PTPRD: variants seen among roughly 807,000 people sequenced by gnomAD.
PTPRD encodes protein tyrosine phosphatase receptor type D, also known as receptor-type tyrosine-protein phosphatase delta.
PTPRD carries 34 observed loss-of-function variants against 214.5 expected under a neutral mutation model. The observed-to-expected ratio is 0.16, with a 90% CI of 0.12 to 0.21. The LOEUF (loss-of-function observed/expected upper bound fraction) is 0.21, where lower values mean the gene tolerates loss of function less well. Ranked by LOEUF, PTPRD falls within the 10% of genes least tolerant of loss-of-function variation. The pLI is 1.00. For missense variants in PTPRD, 2,545 were observed against 2,398.7 expected, an observed-to-expected ratio of 1.06 and a Z score of -1.27; for synonymous variants, 1,128 against 845.7, an observed-to-expected ratio of 1.33 and a Z score of -5.79.
intron 7 of PTPRD, among the ~76,000 whole-genome samples, chr9:9,604,073 T>A (rs1592771882): frequency 6.6e-6 from 1 of 152,086 alleles, no homozygotes; most frequent in East Asian, 1.9e-4. Flanking sequence ...ATAATTTTGC[T>A]TTTATTACTA....
At chr9:9,687,567 T>A (rs2097187632) in intron 7 of PTPRD, among the ~76,000 whole-genome samples, 1 of 151,738 alleles carries the variant, frequency 6.6e-6, no homozygotes, top group Non-Finnish European at 1.5e-5. Flanking sequence ...AAAATAACTT[T>A]TTACATATGT....
At chr9:9,473,607 G>C (rs1472909190) in intron 8 of PTPRD, among the ~76,000 whole-genome samples, 1 of 152,120 alleles carries the variant, frequency 6.6e-6, no homozygotes, top group Admixed American at 6.5e-5. Context: ...GTGTGTAAGA[G>C]TTCCCTTTCC....
chr9:8,601,495 G>GT (rs1213199159), intron 14 of PTPRD, among the ~76,000 whole-genome samples: 2 of 152,204 alleles, frequency 1.3e-5, no homozygotes, highest in African/African-American at 4.8e-5. Context: ...TGGCCACAGG[G>GT]TTTTTTCTAT....
intron 9 of PTPRD, among the ~76,000 whole-genome samples, chr9:9,185,411 G>C (rs917908039): frequency 6.6e-5 from 10 of 152,102 alleles, no homozygotes; most frequent in African/African-American, 2.4e-4. Flanking sequence ...CCACCTGTTT[G>C]GGGCCACTTC....
chr9:8,333,940 C>T (rs1381203935), intron 43 of PTPRD, among the ~76,000 whole-genome samples: 1 of 151,658 alleles, frequency 6.6e-6, no homozygotes, highest in Non-Finnish European at 1.5e-5. Flanking sequence ...ACAAAGAAGG[C>T]CATTACATAA....
chr9:9,137,976 G>C (rs905955648), intron 10 of PTPRD, among the ~76,000 whole-genome samples: 2 of 152,064 alleles, frequency 1.3e-5, no homozygotes, highest in Non-Finnish European at 2.9e-5. Context: ...TTTTGTAGCA[G>C]AGAAAACAGG....
intron 19 of PTPRD, 122 bp from the exon 20 acceptor site, chr9:8,521,668 A>G: frequency 8.9e-7 from 1 of 1,128,466 alleles, no homozygotes. Context: ...TTGTCCAAAA[A>G]CAAAACATAA....
At chr9:10,142,991 T>G (rs1294371677) in intron 3 of PTPRD, among the ~76,000 whole-genome samples, 1 of 151,774 alleles carries the variant, frequency 6.6e-6, no homozygotes, top group East Asian at 1.9e-4. Context: ...TGGATGAAAT[T>G]GAAATCATCA....
chr9:9,305,816 C>T (rs778442801), intron 9 of PTPRD, among the ~76,000 whole-genome samples: 3 of 152,052 alleles, frequency 2.0e-5, no homozygotes, highest in Non-Finnish European at 4.4e-5. Flanking sequence ...GGCCATGTGC[C>T]AATCAGAGAT....
At chr9:8,527,321 T>G (rs775186665) in intron 16 of PTPRD, 24 bp downstream of exon 16, 4 of 1,603,682 alleles carry the variant, frequency 2.5e-6, no homozygotes, top group Non-Finnish European at 2.6e-6. Context: ...GGGGTTGAAG[T>G]GCGCTTCAGA....
intron 11 of PTPRD, among the ~76,000 whole-genome samples, chr9:8,777,959 A>G (rs2095549963): frequency 6.6e-6 from 1 of 152,198 alleles, no homozygotes; most frequent in African/African-American, 2.4e-5. Flanking sequence ...TTATTAACCA[A>G]TCCACAGAGC....
chr9:9,979,158 T>C (rs1241619056), intron 4 of PTPRD, among the ~76,000 whole-genome samples: 1 of 152,072 alleles, frequency 6.6e-6, no homozygotes, highest in Non-Finnish European at 1.5e-5. Flanking sequence ...AGAAGGAATA[T>C]GATATGGGAC....
intron 5 of PTPRD, among the ~76,000 whole-genome samples, chr9:9,840,761 C>CAAAAAAAAAAAAAAAA (rs59780411): frequency 4.9e-5 from 3 of 61,622 alleles, no homozygotes; most frequent in Admixed American, 2.9e-4. Flanking sequence ...GACTCCGTTT[C>CAAAAAAAAAAAAAAAA]AAAAAAAAAA....
intron 12 of PTPRD, among the ~76,000 whole-genome samples, chr9:8,644,073 A>C (rs2890819): frequency 1 from 151,951 of 152,300 alleles, 75,802 homozygotes; most frequent in Middle Eastern, 1. Flanking sequence ...GGCTCAGCCA[A>C]AGCAAAGCAG....
At chr9:8,497,103 A>G in intron 26 of PTPRD, 139 bp downstream of exon 26, 1 of 723,574 alleles carries the variant, frequency 1.4e-6, no homozygotes, top group South Asian at 1.9e-5. Flanking sequence ...TGCACCACAC[A>G]GTGAAGATAA....
intron 39 of PTPRD, among the ~76,000 whole-genome samples, chr9:8,371,688 T>C (rs916236887): frequency 3.9e-5 from 6 of 152,042 alleles, no homozygotes; most frequent in Non-Finnish European, 5.9e-5. Context: ...TTTAAAAAAA[T>C]TATCGTGTAT....
intron 8 of PTPRD, among the ~76,000 whole-genome samples, chr9:9,427,127 GA>G (rs1181441754): frequency 6.6e-6 from 1 of 152,160 alleles, no homozygotes; most frequent in Non-Finnish European, 1.5e-5. Context: ...GCTAAAGGAG[GA>G]TGTTTGAACC....
intron 9 of PTPRD, among the ~76,000 whole-genome samples, chr9:9,391,671 G>A (rs2065888694): frequency 6.6e-6 from 1 of 151,998 alleles, no homozygotes; most frequent in African/African-American, 2.4e-5. Context: ...ATATATTAGG[G>A]CATTATTTCT....
chr9:8,470,197 G>C (rs925423907), intron 31 of PTPRD, among the ~76,000 whole-genome samples: 6 of 152,090 alleles, frequency 3.9e-5, no homozygotes, highest in African/African-American at 1.4e-4. Flanking sequence ...ATTTTAAAAT[G>C]TGAATTCTAC....
Sources: gnomAD v4.1 joint callset for allele counts (sites outside exome capture counted in the v4.1 genomes callset) on GRCh38, gnomAD v4.1.1 for gene constraint, MANE v1.5 for transcripts, NCBI Gene and HGNC (gene_info 2026-07-23, HGNC 2026-07-21) for gene names.